VPS13B: variants seen among roughly 807,000 people sequenced by gnomAD.
VPS13B encodes vacuolar protein sorting 13 homolog B.
VPS13B carries 285 observed loss-of-function variants against 426.4 expected under a neutral mutation model. The ratio of observed to expected loss-of-function variants is 0.67; its 90% confidence interval spans 0.61 to 0.74. The LOEUF (loss-of-function observed/expected upper bound fraction) is 0.74, where lower values mean the gene tolerates loss of function less well. Among genes scored for constraint, VPS13B ranks in the 30% least tolerant of loss-of-function variants. The probability of loss-of-function intolerance (pLI) is 0.00; values close to 1 mark genes in which losing one functional copy is unlikely to be tolerated. For missense variants in VPS13B, 4,537 were observed against 4,782.6 expected, an observed-to-expected ratio of 0.95 and a Z score of 1.51; for synonymous variants, 1,676 against 1,676.4, an observed-to-expected ratio of 1.00 and a Z score of 0.01.
At chr8:99,016,670 C>T (rs1441916173) in intron 2 of VPS13B, among the ~76,000 whole-genome samples, 1 of 146,102 alleles carries the variant, frequency 6.8e-6, no homozygotes. Flanking sequence ...CGGCTCACTG[C>T]AAGCTTCACC....
At chr8:99,515,961 C>T (rs1822047181) in intron 29 of VPS13B, among the ~76,000 whole-genome samples, 1 of 151,992 alleles carries the variant, frequency 6.6e-6, no homozygotes, top group Non-Finnish European at 1.5e-5. Flanking sequence ...TTGCTCATAT[C>T]TTTACTTTTT....
chr8:99,515,568 A>T (rs1320693327), intron 29 of VPS13B, among the ~76,000 whole-genome samples: 1 of 152,066 alleles, frequency 6.6e-6, no homozygotes. Context: ...GAAGGTTTTT[A>T]TAGTTGTCTT....
At chr8:99,204,344 A>T (rs1446570969) in intron 17 of VPS13B, among the ~76,000 whole-genome samples, 1 of 152,220 alleles carries the variant, frequency 6.6e-6, no homozygotes, top group Non-Finnish European at 1.5e-5. Context: ...CTTACATCTT[A>T]TACAAAAATT....
At chr8:99,126,968 G>A (rs1848210932) in intron 8 of VPS13B, among the ~76,000 whole-genome samples, 1 of 152,120 alleles carries the variant, frequency 6.6e-6, no homozygotes, top group Non-Finnish European at 1.5e-5. Context: ...GATGGCGTGT[G>A]CCTGTAGTAC....
intron 24 of VPS13B, among the ~76,000 whole-genome samples, chr8:99,474,671 C>A (rs1025260135): frequency 6.6e-6 from 1 of 152,076 alleles, no homozygotes; most frequent in Admixed American, 6.5e-5. Context: ...GAAATACACA[C>A]CTATTAGACT....
chr8:99,708,074 C>T (rs1270945513), intron 36 of VPS13B, among the ~76,000 whole-genome samples: 1 of 152,132 alleles, frequency 6.6e-6, no homozygotes, highest in Non-Finnish European at 1.5e-5. Context: ...CTACTGAATT[C>T]ATCCCAGAAA....
chr8:99,561,509 T>C (rs1792369235), intron 31 of VPS13B, among the ~76,000 whole-genome samples: 1 of 152,216 alleles, frequency 6.6e-6, no homozygotes, highest in Admixed American at 6.5e-5. Flanking sequence ...ATGCATTCAG[T>C]AGAAACTGTA....
Position 99,262,566 on chromosome 8 carries a change from A to G in VPS13B, c.2516-11632A>G, listed in dbSNP as rs1174851413. Among the ~76,000 whole-genome samples the G allele has an allele frequency of 2.0e-5, 3 of 151,974 alleles. No homozygotes were observed. In the East Asian group the frequency reaches 5.8e-4, roughly 29 times the overall value. On this transcript the variant is annotated intron_variant, in intron 17 of 61. Transcript: ENST00000357162. ...TCCCCTCATTTCACTTTCTCCCTTT[A>G]TTCTTCCCCTGAAAGGATAATACTT...
At chr8:99,265,148 T>G (rs1818234255) in intron 17 of VPS13B, among the ~76,000 whole-genome samples, 1 of 152,170 alleles carries the variant, frequency 6.6e-6, no homozygotes, top group South Asian at 2.1e-4. Flanking sequence ...GCTCCTGGCT[T>G]TGTCTGTTTA....
chr8:99,032,266 A>T (rs935158800), intron 2 of VPS13B, among the ~76,000 whole-genome samples: 1 of 152,020 alleles, frequency 6.6e-6, no homozygotes. Flanking sequence ...AAACTGCTCT[A>T]TTTGTTGTTT....
chr8:99,739,375 T>A (rs1833973054), intron 39 of VPS13B, among the ~76,000 whole-genome samples: 1 of 152,234 alleles, frequency 6.6e-6, no homozygotes, highest in South Asian at 2.1e-4. Flanking sequence ...CCTGCCTGCC[T>A]CTGTAGACTC....
chr8:99,313,662 C>G (rs1456559154), intron 19 of VPS13B, among the ~76,000 whole-genome samples: 3 of 152,138 alleles, frequency 2.0e-5, no homozygotes, highest in African/African-American at 7.2e-5. Context: ...ATTTCAAACT[C>G]TGTGCTGGGA....
At chr8:99,721,303 A>T (rs1255457033) in intron 39 of VPS13B, among the ~76,000 whole-genome samples, 3 of 152,216 alleles carry the variant, frequency 2.0e-5, no homozygotes, top group African/African-American at 7.2e-5. Context: ...TATTGTGAGT[A>T]GATTATAATG....
intron 30 of VPS13B, among the ~76,000 whole-genome samples, chr8:99,556,215 C>T (rs1478695661): frequency 6.6e-6 from 1 of 152,032 alleles, no homozygotes; most frequent in Non-Finnish European, 1.5e-5. Context: ...CCAGGAATAA[C>T]ATAATAAATC....
At chr8:99,282,200 C>CA (rs1391332108) in intron 19 of VPS13B, among the ~76,000 whole-genome samples, 1 of 152,118 alleles carries the variant, frequency 6.6e-6, no homozygotes, top group Non-Finnish European at 1.5e-5. Flanking sequence ...ACCACCCCAC[C>CA]AATTAAATAT....
chr8:99,153,273 T>C (rs765652099), intron 14 of VPS13B, among the ~76,000 whole-genome samples: 12 of 152,238 alleles, frequency 7.9e-5, no homozygotes, highest in Non-Finnish European at 1.5e-4. Context: ...TGTCTTTTAA[T>C]TGATGCATTT....
intron 30 of VPS13B, among the ~76,000 whole-genome samples, chr8:99,525,902 G>A (rs569324840): frequency 6.6e-6 from 1 of 152,180 alleles, no homozygotes; most frequent in Non-Finnish European, 1.5e-5. Flanking sequence ...AGCCAGTGGT[G>A]GCTGGAGCAT....
At chr8:99,748,932 A>C (rs1810255932) in intron 39 of VPS13B, among the ~76,000 whole-genome samples, 2 of 152,030 alleles carry the variant, frequency 1.3e-5, no homozygotes, top group African/African-American at 2.4e-5. Context: ...CCTCCTTCCT[A>C]GTGGAGGAAT....
At position 99,188,053 on chromosome 8, in the gene VPS13B, A is replaced by ATTTTT. The variant is rs60360700; in HGVS notation, c.2334-4807_2334-4803dup. Among the ~76,000 whole-genome samples, 754 of 112,314 alleles carry ATTTTT rather than the reference A, an allele frequency of 6.7e-3. 8 individuals carry two copies. Among genetic ancestry groups the ATTTTT allele is most frequent in the Non-Finnish European group, 9.6e-3 (547 of 56,776 alleles). 73.7% of individuals were successfully genotyped at this position (112,314 alleles called of 152,430 possible). A position where few individuals can be genotyped will look rare whatever the true frequency, so the allele number is the denominator to read the frequency against. On this transcript the variant is annotated intron_variant, in intron 16 of 61. Transcript: ENST00000357162. The stretch of plus-strand genomic sequence containing the variant: ...AGGCTTTTGTTTTTGTTGTTTGGAC[A>ATTTTT]TTTTTTTTTTTTTTTTTTTTGTGAG...
Sources: allele counts gnomAD v4.1 joint callset (sites outside exome capture counted in the v4.1 genomes callset), GRCh38; gene constraint gnomAD v4.1.1; transcripts MANE v1.5; gene names NCBI Gene and HGNC (gene_info 2026-07-23, HGNC 2026-07-21).